The following NBAS variants were observed in gnomAD, a reference collection of about 807,000 sequenced individuals.
NBAS encodes the protein NBAS subunit of NRZ tethering complex, also known as NAG/BC035112 fusion.
In NBAS, 219 loss-of-function variants were observed where a neutral mutation model predicts 302.5. That is an observed-to-expected ratio of 0.72 (90% CI 0.65 to 0.81). The LOEUF is 0.81. NBAS is among the 30% of genes least tolerant of loss of function. The pLI is 0.00. For synonymous variants in NBAS, 1,118 were observed against 1,021.6 expected, an observed-to-expected ratio of 1.09 and a Z score of -1.80; for missense variants, 2,932 against 2,841.6, an observed-to-expected ratio of 1.03 and a Z score of -0.72.
intron 41 of NBAS, 120 bp from the exon 42 acceptor site, chr2:15,287,303 T>A: frequency 1.3e-6 from 1 of 749,952 alleles, no homozygotes; most frequent in Non-Finnish European, 2.4e-6. Flanking sequence ...GTGTGGTCCT[T>A]AATAAGACAG....
chr2:14,874,048 C>A, the NBAS span, among the ~76,000 whole-genome samples: 1 of 151,914 alleles, frequency 6.6e-6, no homozygotes, highest in Non-Finnish European at 1.5e-5. Flanking sequence ...AATTGATAAG[C>A]CTCTAGCCAG....
intron 26 of NBAS, among the ~76,000 whole-genome samples, chr2:15,400,385 T>A (rs576091538): frequency 6.6e-6 from 1 of 151,976 alleles, no homozygotes; most frequent in Non-Finnish European, 1.5e-5. Flanking sequence ...AAAAGGAAAA[T>A]AAATCACACC....
At chr2:15,255,294 G>A (rs987519593) in intron 44 of NBAS, among the ~76,000 whole-genome samples, 3 of 152,058 alleles carry the variant, frequency 2.0e-5, no homozygotes, top group African/African-American at 7.2e-5. Flanking sequence ...TTGTAGTTTT[G>A]ATTTGCATTT....
chr2:15,411,302 C>T (rs1676675247), intron 25 of NBAS, among the ~76,000 whole-genome samples: 1 of 152,082 alleles, frequency 6.6e-6, no homozygotes, highest in East Asian at 1.9e-4. Context: ...GACCACAATC[C>T]CCATCCCAAG....
chr2:15,055,756 G>A, the NBAS span, among the ~76,000 whole-genome samples: 6 of 152,148 alleles, frequency 3.9e-5, no homozygotes, highest in African/African-American at 1.2e-4. Context: ...AATGGGAGTC[G>A]GGTTTCTCCC....
chr2:15,243,247 A>G (rs766339769), intron 44 of NBAS, among the ~76,000 whole-genome samples: 2 of 152,208 alleles, frequency 1.3e-5, no homozygotes, highest in Non-Finnish European at 2.9e-5. Context: ...GCTGTGTTCC[A>G]GCCAGTGAAA....
chr2:15,222,693 C>T (rs1666999711), intron 47 of NBAS, among the ~76,000 whole-genome samples: 1 of 152,128 alleles, frequency 6.6e-6, no homozygotes, highest in African/African-American at 2.4e-5. Flanking sequence ...ATAAAAATAA[C>T]TTGTCCAAGG....
chr2:15,098,446 GTATATTATATA>G, the NBAS span, among the ~76,000 whole-genome samples: 1 of 35,944 alleles, frequency 2.8e-5, no homozygotes, highest in Non-Finnish European at 4.3e-5. Flanking sequence ...ATTGTATATT[GTATATTATATA>G]TTATATATTG....
intron 51 of NBAS, among the ~76,000 whole-genome samples, chr2:15,173,239 A>G (rs1259575590): frequency 1.3e-5 from 2 of 152,220 alleles, no homozygotes; most frequent in Non-Finnish European, 2.9e-5. Context: ...CTGTCTTCCA[A>G]GCCATTAAAA....
intron 23 of NBAS, among the ~76,000 whole-genome samples, chr2:15,421,808 GT>G (rs1158509279): frequency 6.6e-6 from 1 of 152,042 alleles, no homozygotes; most frequent in Non-Finnish European, 1.5e-5. Context: ...AGCTCTATAG[GT>G]TTTTCCTTTA....
At chr2:15,302,829 C>T (rs941479158) in intron 40 of NBAS, among the ~76,000 whole-genome samples, 1 of 152,134 alleles carries the variant, frequency 6.6e-6, no homozygotes, top group Non-Finnish European at 1.5e-5. Context: ...TGCCAGTGTG[C>T]CTAGAATAAA....
At chr2:15,337,760 A>G (rs1207430582) in intron 35 of NBAS, among the ~76,000 whole-genome samples, 2 of 152,248 alleles carry the variant, frequency 1.3e-5, no homozygotes, top group African/African-American at 4.8e-5. Flanking sequence ...TTTGGGGGGC[A>G]GTCTACCAAG....
rs185739761 is a variant in NBAS, at chr2:15,440,350, C to T, written c.2340-12556G>A. On this transcript the variant is annotated intron_variant, in intron 21 of 51. Coordinates refer to ENST00000281513, the MANE Select transcript of NBAS (RefSeq NM_015909.4). ...ATCAGACAGCAGCATTCGCGGTTCA[C>T]GAAAAACCGCTATTCTGCAGACACC... 1.4e-3 allele frequency among the ~76,000 whole-genome samples: 218 copies of T among 152,290 alleles called. 1 individual carries two copies. Among genetic ancestry groups the T allele is most frequent in the African/African-American group, 3.9e-3 (163 of 41,560 alleles).
At chr2:15,199,362 G>A (rs13010109) in intron 48 of NBAS, among the ~76,000 whole-genome samples, 41,708 of 151,876 alleles carry the variant, frequency 0.27, 7,023 homozygotes, top group East Asian at 0.64. Flanking sequence ...AATAAGGCAC[G>A]TGGCTTAGCA....
At chr2:15,461,948 G>A (rs570029666) in intron 19 of NBAS, among the ~76,000 whole-genome samples, 157 bp from the exon 20 acceptor site, 2 of 152,226 alleles carry the variant, frequency 1.3e-5, no homozygotes, top group East Asian at 3.9e-4. Context: ...TACTACATCT[G>A]CATTATTGCC....
the NBAS span, among the ~76,000 whole-genome samples, chr2:14,856,773 A>T: frequency 1.3e-5 from 2 of 152,162 alleles, no homozygotes; most frequent in Non-Finnish European, 2.9e-5. Context: ...AAAGAAAAAC[A>T]AAAGCAATGA....
At chr2:14,783,948 G>T in the NBAS span, among the ~76,000 whole-genome samples, 2 of 151,736 alleles carry the variant, frequency 1.3e-5, no homozygotes, top group African/African-American at 4.8e-5. Context: ...CAGTGTAAAA[G>T]TGTTCCTATT....
chr2:15,489,279 G>A (rs984468487), intron 11 of NBAS, among the ~76,000 whole-genome samples: 7 of 151,852 alleles, frequency 4.6e-5, no homozygotes, highest in Admixed American at 6.6e-5. Flanking sequence ...ACATATAACC[G>A]AAAAATATGT....
the NBAS span, among the ~76,000 whole-genome samples, chr2:15,096,179 G>T: frequency 6.6e-6 from 1 of 152,354 alleles, no homozygotes; most frequent in East Asian, 1.9e-4. Flanking sequence ...AGGCTGAACA[G>T]TTGTCCTTCA....
Sources: gnomAD v4.1 joint callset for allele counts (sites outside exome capture counted in the v4.1 genomes callset) on GRCh38, gnomAD v4.1.1 for gene constraint, MANE v1.5 for transcripts, NCBI Gene and HGNC (gene_info 2026-07-23, HGNC 2026-07-21) for gene names.